Variants in TRIM51G observed in about 807,000 individuals in gnomAD.
The protein encoded by TRIM51G is tripartite motif-containing 51G, also known as tripartite motif-containing protein 51G.
chr11:48,980,893 A>G, the TRIM51G span: 8 of 482,570 alleles, frequency 1.7e-5, 1 homozygote, highest in South Asian at 1.2e-4. Context: ...AGGTAGAGTA[A>G]CACACTACTA....
the TRIM51G span, chr11:48,978,123 T>C: frequency 1.9e-6 from 1 of 520,226 alleles, no homozygotes; most frequent in African/African-American, 1.9e-5. Context: ...TGCTAAAATC[T>C]TGGTATGTAC....
the TRIM51G span, among the ~76,000 whole-genome samples, chr11:48,976,246 C>T: frequency 2.6e-5 from 4 of 152,054 alleles, no homozygotes; most frequent in Non-Finnish European, 4.4e-5. Context: ...GAATAAAAGA[C>T]CAGCCTGTTT....
chr11:48,981,518 G>A, the TRIM51G span: 23 of 1,604,520 alleles, frequency 1.4e-5, no homozygotes, highest in African/African-American at 1.7e-4. Context: ...TTTCTCTGCC[G>A]TGTTGTCTTC....
chr11:48,977,997 T>C, the TRIM51G span: 2 of 435,690 alleles, frequency 4.6e-6, no homozygotes, highest in Admixed American at 5.8e-5. Context: ...AATAGATGAC[T>C]ACATGGGGTG....
chr11:48,977,318 T>A, the TRIM51G span: 27 of 534,858 alleles, frequency 5.0e-5, no homozygotes, highest in Non-Finnish European at 1.0e-5. Context: ...CATTTTCTTT[T>A]TCAAATTCAT....
chr11:48,981,739 T>G, the TRIM51G span: 3 of 1,564,590 alleles, frequency 1.9e-6, no homozygotes, highest in Non-Finnish European at 2.6e-6. Flanking sequence ...GGGTTCTGGG[T>G]TGGTGAAAAT....
the TRIM51G span, chr11:48,975,817 A>G: frequency 7.0e-7 from 1 of 1,437,856 alleles, no homozygotes; most frequent in Non-Finnish European, 9.7e-7. Flanking sequence ...AGAGTGCCCC[A>G]TGTTAAACTC....
the TRIM51G span, among the ~76,000 whole-genome samples, chr11:48,982,386 A>G: frequency 2.0e-5 from 3 of 152,110 alleles, no homozygotes; most frequent in Non-Finnish European, 4.4e-5. Flanking sequence ...CTGTGGTATT[A>G]CAGTTAATTA....
chr11:48,976,042 G>C, the TRIM51G span: 1 of 411,132 alleles, frequency 2.4e-6, no homozygotes, highest in Non-Finnish European at 4.7e-6. Flanking sequence ...GTAATTAACA[G>C]AAATTAGAAT....
the TRIM51G span, among the ~76,000 whole-genome samples, chr11:48,977,800 G>T: frequency 9.6e-3 from 1,465 of 152,042 alleles, 21 homozygotes; most frequent in African/African-American, 0.033. Context: ...ATTTTCTCTT[G>T]CAAATATGAA....
the TRIM51G span, chr11:48,981,497 T>C: frequency 2.1e-5 from 33 of 1,606,318 alleles, no homozygotes; most frequent in East Asian, 6.7e-5. Context: ...AAACAAATGT[T>C]AGTTTTGAGG....
the TRIM51G span, chr11:48,981,453 G>A: frequency 1.2e-6 from 2 of 1,607,614 alleles, no homozygotes; most frequent in Non-Finnish European, 1.7e-6. Context: ...ATTGCCGGAG[G>A]CTGGCTTTTC....
the TRIM51G span, chr11:48,981,772 G>A: frequency 6.9e-7 from 1 of 1,439,216 alleles, no homozygotes; most frequent in Non-Finnish European, 9.7e-7. Flanking sequence ...CACCATATGT[G>A]ATAGCTATAT....
At chr11:48,981,352 C>T in the TRIM51G span, 1 of 1,607,498 alleles carries the variant, frequency 6.2e-7, no homozygotes, top group African/African-American at 1.3e-5. Flanking sequence ...AGAGTTGGAG[C>T]ACAGCAAACA....
At chr11:48,981,233 C>T in the TRIM51G span, 7 of 1,596,984 alleles carry the variant, frequency 4.4e-6, no homozygotes, top group African/African-American at 1.3e-5. Flanking sequence ...AATAGGCTGA[C>T]AAGAATTCCA....
At chr11:48,979,417 G>A in the TRIM51G span, among the ~76,000 whole-genome samples, 3 of 152,080 alleles carry the variant, frequency 2.0e-5, no homozygotes, top group Non-Finnish European at 2.9e-5. Flanking sequence ...ATGCTGACTA[G>A]GTAAGAAACC....
chr11:48,979,272 T>A, the TRIM51G span, among the ~76,000 whole-genome samples: 1 of 152,192 alleles, frequency 6.6e-6, no homozygotes, highest in Non-Finnish European at 1.5e-5. Flanking sequence ...ACATAGTTGT[T>A]TCTGCCCAGT....
the TRIM51G span, among the ~76,000 whole-genome samples, chr11:48,983,490 AT>A: frequency 6.6e-6 from 1 of 152,108 alleles, no homozygotes; most frequent in Non-Finnish European, 1.5e-5. Flanking sequence ...TGAATTCCAT[AT>A]ATCCATGATG....
the TRIM51G span, chr11:48,981,165 A>C: frequency 4.8e-6 from 7 of 1,448,032 alleles, no homozygotes; most frequent in Admixed American, 6.2e-5. Flanking sequence ...AAGTCAAGGA[A>C]GCTCATAACA....
Sources: allele counts gnomAD v4.1 joint callset (sites outside exome capture counted in the v4.1 genomes callset), GRCh38; gene constraint gnomAD v4.1.1; transcripts MANE v1.5; gene names NCBI Gene and HGNC (gene_info 2026-07-23, HGNC 2026-07-21).